GDA: variants seen among roughly 807,000 people sequenced by gnomAD.
GDA encodes the protein guanine deaminase.
Under a neutral mutation model 59.6 loss-of-function variants are expected in GDA, and 18 were observed. The observed-to-expected ratio is 0.30, with a 90% confidence interval of 0.21 to 0.45. The LOEUF (loss-of-function observed/expected upper bound fraction) is 0.45. GDA is among the 20% of genes least tolerant of loss of function. GDA has a pLI of 1.00. For missense variants in GDA, 427 were observed against 552.3 expected (o/e 0.77, Z 2.27); for synonymous variants, 201 against 201.1 (o/e 1.00, Z 0.00).
At chr9:72,123,131 C>G (rs1293198784) in intron 1 of GDA, among the ~76,000 whole-genome samples, 2 of 151,872 alleles carry the variant, frequency 1.3e-5, no homozygotes, top group African/African-American at 2.4e-5. Flanking sequence ...GCTTATCTCC[C>G]CATGATCGAG....
At chr9:72,244,559 A>G (rs141567898) in intron 11 of GDA, among the ~76,000 whole-genome samples, 134 of 152,290 alleles carry the variant, frequency 8.8e-4, no homozygotes, top group African/African-American at 3.0e-3. Context: ...AGTTATGAGA[A>G]TCTGTTCATT....
intron 2 of GDA, among the ~76,000 whole-genome samples, chr9:72,201,435 G>T (rs1049699075): frequency 1.3e-5 from 2 of 152,134 alleles, no homozygotes; most frequent in Non-Finnish European, 2.9e-5. Flanking sequence ...TTTTCCATGC[G>T]ATGTAGAGGC....
chr9:72,146,691 C>T (rs771099153), upstream of GDA, among the ~76,000 whole-genome samples: 3 of 152,148 alleles, frequency 2.0e-5, no homozygotes, highest in Admixed American at 6.5e-5. Flanking sequence ...GGGGTTTCAC[C>T]ATGTTGACTA....
intron 1 of GDA, among the ~76,000 whole-genome samples, chr9:72,170,915 C>A (rs1052823646): frequency 6.6e-6 from 1 of 152,120 alleles, no homozygotes; most frequent in Non-Finnish European, 1.5e-5. Flanking sequence ...CCCTGGGGCA[C>A]AAGTGATCCT....
intron 1 of GDA, among the ~76,000 whole-genome samples, chr9:72,127,670 T>C (rs1825893762): frequency 6.6e-6 from 1 of 150,390 alleles, no homozygotes; most frequent in African/African-American, 2.4e-5. Flanking sequence ...AATCAGAAAA[T>C]CTTTTCTGGG....
At chr9:72,167,005 C>A (rs896068388) in intron 1 of GDA, among the ~76,000 whole-genome samples, 1 of 152,148 alleles carries the variant, frequency 6.6e-6, no homozygotes, top group African/African-American at 2.4e-5. Context: ...TTGAAACTGA[C>A]CCAATAGTTC....
chr9:72,218,728 G>A (rs995493731), intron 5 of GDA, among the ~76,000 whole-genome samples: 3 of 152,206 alleles, frequency 2.0e-5, no homozygotes, highest in African/African-American at 7.2e-5. Context: ...AAATGGTGAT[G>A]TTGTGGGAAC....
At chr9:72,160,990 T>A (rs1190014247) in intron 1 of GDA, among the ~76,000 whole-genome samples, 1 of 152,076 alleles carries the variant, frequency 6.6e-6, no homozygotes, top group South Asian at 2.1e-4. Flanking sequence ...CACTGCAATC[T>A]CCGCTTCCCA....
At chr9:72,235,951 G>A (rs957569423) in intron 10 of GDA, among the ~76,000 whole-genome samples, 10 of 152,078 alleles carry the variant, frequency 6.6e-5, no homozygotes, top group Non-Finnish European at 1.5e-5. Flanking sequence ...CAACATACAT[G>A]GAGCCAGTGC....
intron 2 of GDA, among the ~76,000 whole-genome samples, chr9:72,197,303 C>T (rs192672765): frequency 6.6e-6 from 1 of 152,340 alleles, no homozygotes; most frequent in Non-Finnish European, 1.5e-5. Flanking sequence ...CCTGCTGCCT[C>T]TCTATGGGCT....
chr9:72,228,783 G>A (rs1837923045), intron 9 of GDA: 1 of 152,428 alleles, frequency 6.6e-6, no homozygotes, highest in Non-Finnish European at 1.5e-5. Flanking sequence ...AACCACTCAG[G>A]AGGCTGAGGC....
intron 2 of GDA, 81 bp from the exon 3 acceptor site, chr9:72,202,490 C>A: frequency 2.1e-6 from 2 of 951,652 alleles, no homozygotes; most frequent in Non-Finnish European, 3.2e-6. Context: ...TGAAATCATG[C>A]TTGGGAAAAA....
At chr9:72,214,485 G>A (rs1323418664) in intron 5 of GDA, among the ~76,000 whole-genome samples, 10 of 151,840 alleles carry the variant, frequency 6.6e-5, no homozygotes, top group Admixed American at 1.3e-4. Context: ...TAGTAGAGAC[G>A]GGGTTTCACT....
At chr9:72,155,023 G>A (rs1376221447) in intron 1 of GDA, among the ~76,000 whole-genome samples, 2 of 152,176 alleles carry the variant, frequency 1.3e-5, no homozygotes, top group African/African-American at 4.8e-5. Context: ...CTAGTTAGGG[G>A]AAGGCTTTCC....
chr9:72,228,278 C>A, intron 9 of GDA: 11 of 440,234 alleles, frequency 2.5e-5, no homozygotes, highest in Non-Finnish European at 3.3e-5. Context: ...TGAGTTTGTA[C>A]AAAAAAAGGA....
chr9:72,186,973 C>G (rs371095653), intron 1 of GDA, among the ~76,000 whole-genome samples: 16 of 152,206 alleles, frequency 1.1e-4, no homozygotes, highest in East Asian at 3.9e-4. Flanking sequence ...TGTCTTAACT[C>G]CTAAACCTTA....
At chr9:72,168,708 A>G (rs7862343) in intron 1 of GDA, among the ~76,000 whole-genome samples, 28,263 of 152,122 alleles carry the variant, frequency 0.19, 2,991 homozygotes, top group African/African-American at 0.3. Flanking sequence ...AGCACTTACT[A>G]TGTGCCAGGC....
intron 1 of GDA, among the ~76,000 whole-genome samples, chr9:72,117,842 A>G (rs1454643128): frequency 6.6e-6 from 1 of 152,188 alleles, no homozygotes; most frequent in Admixed American, 6.5e-5. Context: ...TGCAAGCACA[A>G]AAGAATGGAG....
At chr9:72,243,835 C>T (rs1227983303) in intron 11 of GDA, among the ~76,000 whole-genome samples, 2 of 152,118 alleles carry the variant, frequency 1.3e-5, no homozygotes, top group African/African-American at 4.8e-5. Context: ...AATATTTTCA[C>T]ATGAAACTTT....
Sources: allele counts gnomAD v4.1 joint callset (sites outside exome capture counted in the v4.1 genomes callset), GRCh38; gene constraint gnomAD v4.1.1; transcripts MANE v1.5; gene names NCBI Gene and HGNC (gene_info 2026-07-23, HGNC 2026-07-21).